TEKTL1: variants seen among roughly 807,000 people sequenced by gnomAD.
TEKTL1 encodes tektin-like protein 1.
At chr19:15,011,009 C>T in the TEKTL1 span, 1 of 1,585,784 alleles carries the variant, frequency 6.3e-7, no homozygotes, top group South Asian at 1.1e-5. Context: ...GGCCCACCAC[C>T]TCGGCCGCGC....
chr19:15,012,223 C>A, the TEKTL1 span, among the ~76,000 whole-genome samples: 1 of 151,708 alleles, frequency 6.6e-6, no homozygotes, highest in Non-Finnish European at 1.5e-5. Flanking sequence ...TCAGGCCAAC[C>A]GCAAACCAGC....
At chr19:15,022,421 C>T in the TEKTL1 span, among the ~76,000 whole-genome samples, 4 of 152,170 alleles carry the variant, frequency 2.6e-5, no homozygotes, top group Admixed American at 6.5e-5. Context: ...CTTCACCTCC[C>T]GGGTTCAAGC....
the TEKTL1 span, among the ~76,000 whole-genome samples, chr19:15,022,613 G>A: frequency 6.6e-6 from 1 of 152,044 alleles, no homozygotes; most frequent in African/African-American, 2.4e-5. Flanking sequence ...ACAGGTGTGA[G>A]CCACCGCGTC....
At chr19:15,019,521 A>G in the TEKTL1 span, among the ~76,000 whole-genome samples, 2 of 152,242 alleles carry the variant, frequency 1.3e-5, no homozygotes. Flanking sequence ...TTATTTTTCA[A>G]TTAAAAACAA....
At chr19:15,013,326 G>A in the TEKTL1 span, among the ~76,000 whole-genome samples, 1 of 152,262 alleles carries the variant, frequency 6.6e-6, no homozygotes, top group South Asian at 2.1e-4. Flanking sequence ...GAGGAGATAA[G>A]ACCATCACTG....
At chr19:15,021,321 G>A in the TEKTL1 span, 2 of 1,607,688 alleles carry the variant, frequency 1.2e-6, no homozygotes, top group Non-Finnish European at 1.7e-6. Flanking sequence ...CGGAGGACTT[G>A]GCACCCCCAC....
At chr19:15,022,863 C>A in the TEKTL1 span, 1 of 1,582,382 alleles carries the variant, frequency 6.3e-7, no homozygotes, top group East Asian at 2.3e-5. Context: ...GCCCTGCTCC[C>A]TATCCAGGGC....
the TEKTL1 span, chr19:15,021,686 T>G: frequency 9.9e-6 from 16 of 1,614,054 alleles, no homozygotes; most frequent in East Asian, 3.3e-4. Context: ...AACCAAGAGT[T>G]GTACACCACC....
At chr19:15,021,377 C>T in the TEKTL1 span, 11 of 1,614,106 alleles carry the variant, frequency 6.8e-6, no homozygotes, top group Admixed American at 1.7e-4. Context: ...CTAAACGAAG[C>T]CAAGCGGTTG....
the TEKTL1 span, chr19:15,021,924 A>AC: frequency 6.2e-7 from 1 of 1,602,364 alleles, no homozygotes. Flanking sequence ...GCACAGGTAA[A>AC]CCCCCTCCCC....
chr19:15,018,248 T>C, the TEKTL1 span, among the ~76,000 whole-genome samples: 1 of 152,050 alleles, frequency 6.6e-6, no homozygotes, highest in Non-Finnish European at 1.5e-5. Context: ...TAGCTACTCA[T>C]GAGGCTGAAG....
the TEKTL1 span, chr19:15,020,449 C>T: frequency 0.47 from 749,408 of 1,609,052 alleles, 177,416 homozygotes; most frequent in East Asian, 0.68. Flanking sequence ...TTCTCCTCCC[C>T]TCCCCACCCA....
the TEKTL1 span, among the ~76,000 whole-genome samples, chr19:15,020,108 G>T: frequency 6.6e-6 from 1 of 151,466 alleles, no homozygotes; most frequent in Non-Finnish European, 1.5e-5. Context: ...AGGAGTTCAA[G>T]ACCAGCCTAG....
At chr19:15,021,471 T>G in the TEKTL1 span, 7 of 1,614,120 alleles carry the variant, frequency 4.3e-6, no homozygotes, top group Non-Finnish European at 5.9e-6. Context: ...TAAGCGACCG[T>G]GTGTGTGCCT....
chr19:15,019,425 G>A, the TEKTL1 span, among the ~76,000 whole-genome samples: 2 of 152,098 alleles, frequency 1.3e-5, no homozygotes, highest in East Asian at 3.9e-4. Flanking sequence ...TGAGACGATG[G>A]ATATGTTAAT....
At chr19:15,014,738 C>CGGGGGGG in the TEKTL1 span, among the ~76,000 whole-genome samples, 22 of 29,810 alleles carry the variant, frequency 7.4e-4, no homozygotes, top group African/African-American at 2.3e-3. Flanking sequence ...GGGCGGGGGG[C>CGGGGGGG]GGGGGCTGCT....
At chr19:15,014,900 T>C in the TEKTL1 span, among the ~76,000 whole-genome samples, 2 of 152,078 alleles carry the variant, frequency 1.3e-5, no homozygotes, top group African/African-American at 4.8e-5. Flanking sequence ...AGCAAAGGGC[T>C]ATAAAGAGGG....
the TEKTL1 span, chr19:15,022,950 G>C: frequency 0.83 from 1,330,637 of 1,611,926 alleles, 550,694 homozygotes; most frequent in African/African-American, 0.93. Context: ...AAGAACCTCA[G>C]CTGGGGCCTC....
the TEKTL1 span, chr19:15,010,929 T>C: frequency 6.3e-7 from 1 of 1,581,774 alleles, no homozygotes; most frequent in East Asian, 2.3e-5. Context: ...GCGCACATTC[T>C]GACCGATCGC....
Sources: gnomAD v4.1 joint callset for allele counts (sites outside exome capture counted in the v4.1 genomes callset) on GRCh38, gnomAD v4.1.1 for gene constraint, MANE v1.5 for transcripts, NCBI Gene and HGNC (gene_info 2026-07-23, HGNC 2026-07-21) for gene names.